OC90: variants seen among roughly 807,000 people sequenced by gnomAD.
OC90 encodes otoconin 90.
A neutral mutation model predicts 47.3 loss-of-function variants in OC90; 46 were observed. That is an observed-to-expected ratio of 0.97 (90% CI 0.77 to 1.24). The LOEUF (loss-of-function observed/expected upper bound fraction) is 1.24. Among genes scored for constraint, OC90 ranks in the 50% most tolerant of loss-of-function variants. OC90 has a pLI of 0.00. For missense variants in OC90, 688 were observed against 583.9 expected, an observed-to-expected ratio of 1.18 and a Z score of -1.84; for synonymous variants, 271 against 219.5, an observed-to-expected ratio of 1.23 and a Z score of -2.07.
chr8:132,051,772 G>C (rs1823214371), intron 2 of OC90, among the ~76,000 whole-genome samples: 1 of 152,194 alleles, frequency 6.6e-6, no homozygotes, highest in Admixed American at 6.5e-5. Flanking sequence ...GCAGTCCAAT[G>C]CTGGGAAGCA....
chr8:132,038,667 C>T (rs771313219), intron 8 of OC90, 123 bp downstream of exon 8: 83 of 774,212 alleles, frequency 1.1e-4, no homozygotes, highest in Non-Finnish European at 1.7e-4. Flanking sequence ...GGCAGGACCA[C>T]TTCCAGTGTC....
At chr8:132,032,333 C>G (rs1349282755) in intron 11 of OC90, among the ~76,000 whole-genome samples, 2 of 152,122 alleles carry the variant, frequency 1.3e-5, no homozygotes, top group African/African-American at 4.8e-5. Context: ...TTGTCAGGAC[C>G]CAAGATGCTG....
chr8:132,035,147 T>A (rs1401029628), intron 9 of OC90, among the ~76,000 whole-genome samples: 1 of 152,194 alleles, frequency 6.6e-6, no homozygotes, highest in Non-Finnish European at 1.5e-5. Context: ...AAAAGAAAAG[T>A]ACATTTTGGA....
intron 2 of OC90, among the ~76,000 whole-genome samples, chr8:132,054,409 CTT>C (rs1823254265): frequency 6.6e-6 from 1 of 152,222 alleles, no homozygotes; most frequent in African/African-American, 2.4e-5. Context: ...AATCTGCACA[CTT>C]GATCTAGTTT....
At chr8:132,054,090 A>G (rs192909146) in intron 2 of OC90, among the ~76,000 whole-genome samples, 16 of 152,294 alleles carry the variant, frequency 1.1e-4, no homozygotes, top group African/African-American at 3.8e-4. Flanking sequence ...CAGGAAGCAT[A>G]ACTGACCAAG....
At chr8:132,056,648 A>G (rs1394363677) in intron 1 of OC90, among the ~76,000 whole-genome samples, 1 of 152,144 alleles carries the variant, frequency 6.6e-6, no homozygotes, top group Admixed American at 6.5e-5. Flanking sequence ...TTCAGTTCTG[A>G]ATGATTCCTT....
chr8:132,054,830 A>G (rs1823260614), intron 2 of OC90, 151 bp downstream of exon 2: 1 of 511,412 alleles, frequency 2.0e-6, no homozygotes, highest in African/African-American at 1.9e-5. Context: ...ACAGAGAGGA[A>G]TATGTTTAAC....
At chr8:132,049,581 A>T (rs1823185838) in intron 2 of OC90, among the ~76,000 whole-genome samples, 1 of 152,240 alleles carries the variant, frequency 6.6e-6, no homozygotes, top group Non-Finnish European at 1.5e-5. Context: ...TTCTCTGAAG[A>T]TGTAAAAGTG....
intron 2 of OC90, among the ~76,000 whole-genome samples, chr8:132,047,108 C>T (rs1054494368): frequency 8.5e-5 from 13 of 152,194 alleles, no homozygotes; most frequent in Non-Finnish European, 1.8e-4. Context: ...GTTTCCACAA[C>T]GCATAACTGA....
At chr8:132,052,554 A>T (rs1823226943) in intron 2 of OC90, among the ~76,000 whole-genome samples, 1 of 152,188 alleles carries the variant, frequency 6.6e-6, no homozygotes, top group Non-Finnish European at 1.5e-5. Flanking sequence ...ACTTACTTTC[A>T]GGATATAGAC....
intron 4 of OC90, 97 bp downstream of exon 4, chr8:132,044,336 C>T: frequency 1.4e-6 from 1 of 716,590 alleles, no homozygotes; most frequent in Non-Finnish European, 2.5e-6. Context: ...GCCATGGGAG[C>T]TCCGAGGGTT....
In OC90 at chr8:132,033,102, T is replaced by A. The variant is rs776319407; in HGVS notation, c.796A>T (p.Ile266Phe). The change falls in exon 11 of 14, where the codon ATT (isoleucine) becomes TTT (phenylalanine). Residue 266 changes from isoleucine to phenylalanine, a missense_variant. Transcript: ENST00000254627. ...AKIVTLVPAG[I>F]KSLGLAVSSV... ...GACACTGCCAGCCCCAGAGATTTAATGCCAGCAGGGACAAGGGTTACAATT... is the reference window on the plus strand; with the variant it reads ...GACACTGCCAGCCCCAGAGATTTAAAGCCAGCAGGGACAAGGGTTACAATT... 6 of 1,609,636 alleles carry A rather than the reference T, an allele frequency of 3.7e-6. No homozygotes were observed. In the Admixed American group the frequency reaches 6.7e-5, roughly 18 times the overall value.
rs545147397 is a variant in OC90, at chr8:132,029,131, G to A, written c.1080C>T (p.Gly360=). 10 of 1,613,916 alleles carry A rather than the reference G, an allele frequency of 6.2e-6. No individual in the cohort carries two copies. The East Asian group carries it at 2.2e-4, about 36-fold the overall frequency. The part of the protein sequence containing the change: ...HCCLEQVRRL[G]CLLERLPWSP... ...ACCAAGGAAGCCTCTCAAGCAGGCA[G>A]CCCAGCCTTCTCACTTGCTCTAGGC... The change falls in exon 13 of 14, where the codon GGC becomes GGT. Residue 360 remains glycine, a synonymous_variant. Coordinates refer to ENST00000254627, the MANE Select transcript of OC90 (RefSeq NM_001080399.3).
intron 1 of OC90, 22 bp from the exon 2 acceptor site, chr8:132,055,095 T>C: frequency 7.7e-7 from 1 of 1,305,406 alleles, no homozygotes; most frequent in Non-Finnish European, 1.1e-6. Context: ...GCCAGCAGAA[T>C]AGGATGGAAG....
intron 6 of OC90, 101 bp downstream of exon 6, chr8:132,040,936 GGTGACGA>G: frequency 1.4e-6 from 1 of 725,964 alleles, no homozygotes; most frequent in Non-Finnish European, 2.5e-6. Flanking sequence ...TGCTGCCAGT[GGTGACGA>G]TGATGTGAGA....
chr8:132,052,399 G>A (rs1172574683), intron 2 of OC90, among the ~76,000 whole-genome samples: 1 of 152,200 alleles, frequency 6.6e-6, no homozygotes, highest in Non-Finnish European at 1.5e-5. Context: ...AGCAGCAATA[G>A]TAAAATTTGC....
At chr8:132,035,167 C>T (rs1224091680) in intron 9 of OC90, among the ~76,000 whole-genome samples, 1 of 152,214 alleles carries the variant, frequency 6.6e-6, no homozygotes, top group South Asian at 2.1e-4. Context: ...AACAGAGGAG[C>T]ATTGCAGCAC....
intron 8 of OC90, 38 bp downstream of exon 8, chr8:132,038,752 C>G (rs1297532689): frequency 6.3e-7 from 1 of 1,577,642 alleles, no homozygotes; most frequent in African/African-American, 1.3e-5. Flanking sequence ...CATCTGGGCC[C>G]TTGTGGTTCA....
chr8:132,051,207 C>A (rs917907436), intron 2 of OC90, among the ~76,000 whole-genome samples: 1 of 152,128 alleles, frequency 6.6e-6, no homozygotes, highest in Admixed American at 6.5e-5. Context: ...ATTCCTGAAC[C>A]CCAGCCAAGT....
Sources: allele counts gnomAD v4.1 joint callset (sites outside exome capture counted in the v4.1 genomes callset), GRCh38; gene constraint gnomAD v4.1.1; transcripts MANE v1.5; gene names NCBI Gene and HGNC (gene_info 2026-07-23, HGNC 2026-07-21).